NEGR1: variants seen among roughly 807,000 people sequenced by gnomAD.
NEGR1 encodes the protein neuronal growth regulator 1, also known as IgLON family member 4.
NEGR1 carries 10 observed loss-of-function variants against 40.9 expected under a neutral mutation model. The ratio of observed to expected loss-of-function variants is 0.24; its 90% CI spans 0.15 to 0.42. The LOEUF is 0.42. NEGR1 is among the 10% of genes least tolerant of loss of function. NEGR1 has a pLI of 1.00. For missense variants in NEGR1, 352 were observed against 438.9 expected, an observed-to-expected ratio of 0.80 and a Z score of 1.77; for synonymous variants, 185 against 166.8, an observed-to-expected ratio of 1.11 and a Z score of -0.84.
At chr1:72,241,407 A>G (rs2100514539) in intron 1 of NEGR1, among the ~76,000 whole-genome samples, 1 of 151,768 alleles carries the variant, frequency 6.6e-6, no homozygotes, top group Non-Finnish European at 1.5e-5. Flanking sequence ...CTCTGTGAGA[A>G]CTTTAGAAAG....
intron 6 of NEGR1, among the ~76,000 whole-genome samples, chr1:71,531,734 T>C (rs72938085): frequency 0.04 from 6,109 of 151,430 alleles, 410 homozygotes; most frequent in African/African-American, 0.14. Context: ...ACTCAATATG[T>C]TTCAGTTTGA....
intron 1 of NEGR1, among the ~76,000 whole-genome samples, chr1:72,014,871 AG>A (rs34239508): frequency 0.089 from 13,586 of 152,080 alleles, 838 homozygotes; most frequent in Admixed American, 0.18. Context: ...ATCTTAGTTG[AG>A]GATAAATATG....
intron 2 of NEGR1, among the ~76,000 whole-genome samples, chr1:71,821,852 G>A (rs1242025248): frequency 1.3e-5 from 2 of 152,126 alleles, no homozygotes; most frequent in East Asian, 3.9e-4. Flanking sequence ...CATTTGAGAT[G>A]AAGCATGAGT....
At position 71,458,605 on chromosome 1, in the gene NEGR1, G is replaced by A. The variant is rs1412237808; in HGVS notation, c.941-51035C>T. 2.0e-5 allele frequency among the ~76,000 whole-genome samples: 3 copies of A among 152,136 alleles called. No homozygotes were observed. In the East Asian group the frequency reaches 5.8e-4, roughly 29 times the overall value. The stretch of plus-strand genomic sequence containing the variant: ...ACCAGTAATCCATAAGCATCTTGGA[G>A]GTTGGGATTCCATCTCTATTAACTT... On this transcript the variant is annotated intron_variant, in intron 6 of 6. Transcript: ENST00000357731.
rs572497980 is a variant in NEGR1, at chr1:72,015,128, T to A, written c.177-79817A>T. ...TGACAGTCACACTAATGAGTTAAACTAGAAAATACAATTTTTAAAAATATG... is the reference window on the plus strand; with the variant it reads ...TGACAGTCACACTAATGAGTTAAACAAGAAAATACAATTTTTAAAAATATG... On this transcript the variant is annotated intron_variant, in intron 1 of 6. Coordinates refer to ENST00000357731, the MANE Select transcript of NEGR1 (RefSeq NM_173808.3). Among the ~76,000 whole-genome samples, 50 of 151,954 alleles carry A rather than the reference T, an allele frequency of 3.3e-4. 2 individuals are homozygous for A. Among genetic ancestry groups the A allele is most frequent in the Admixed American group, 2.0e-4 (3 of 15,250 alleles).
At chr1:71,950,570 C>T (rs1052336919) in intron 1 of NEGR1, among the ~76,000 whole-genome samples, 8 of 152,054 alleles carry the variant, frequency 5.3e-5, no homozygotes, top group South Asian at 2.1e-4. Flanking sequence ...TAATCTCTCA[C>T]GTGAAGCTGT....
intron 3 of NEGR1, among the ~76,000 whole-genome samples, chr1:71,731,515 C>T (rs918492910): frequency 6.6e-6 from 1 of 152,144 alleles, no homozygotes; most frequent in African/African-American, 2.4e-5. Context: ...AGAACTATTG[C>T]TAATAGAGAT....
intron 1 of NEGR1, among the ~76,000 whole-genome samples, chr1:72,162,794 T>C (rs973473678): frequency 6.6e-6 from 1 of 152,202 alleles, no homozygotes; most frequent in African/African-American, 2.4e-5. Flanking sequence ...TGTGATTTCA[T>C]GCAGACTGCA....
chr1:72,251,470 G>A (rs751426071), intron 1 of NEGR1, among the ~76,000 whole-genome samples: 4 of 152,066 alleles, frequency 2.6e-5, no homozygotes, highest in African/African-American at 4.8e-5. Flanking sequence ...GTATCCATAC[G>A]GGGTTAGTTT....
At chr1:72,125,813 C>A (rs1420709273) in intron 1 of NEGR1, among the ~76,000 whole-genome samples, 2 of 151,954 alleles carry the variant, frequency 1.3e-5, no homozygotes, top group Non-Finnish European at 2.9e-5. Flanking sequence ...AATTAATATT[C>A]TTTTTCCCAC....
At chr1:71,843,308 GA>G (rs1396134931) in intron 2 of NEGR1, among the ~76,000 whole-genome samples, 2 of 152,114 alleles carry the variant, frequency 1.3e-5, no homozygotes, top group African/African-American at 2.4e-5. Context: ...TATGGAAACA[GA>G]ACATTAAATT....
intron 1 of NEGR1, among the ~76,000 whole-genome samples, chr1:72,084,152 C>A (rs1195886229): frequency 6.6e-6 from 1 of 151,974 alleles, no homozygotes; most frequent in Non-Finnish European, 1.5e-5. Context: ...GAGCACATAG[C>A]CTTTACAGCA....
intron 4 of NEGR1, among the ~76,000 whole-genome samples, chr1:71,639,331 C>A (rs1057429193): frequency 6.6e-6 from 1 of 151,952 alleles, no homozygotes; most frequent in Non-Finnish European, 1.5e-5. Flanking sequence ...ATTGCAATTA[C>A]TGAGCAGTTT....
chr1:71,408,948 G>A (rs909638366), intron 6 of NEGR1: 2 of 151,908 alleles, frequency 1.3e-5, no homozygotes, highest in African/African-American at 4.8e-5. Context: ...AAATTAAAGG[G>A]GATGAAAGAT....
intron 1 of NEGR1, among the ~76,000 whole-genome samples, chr1:72,057,513 A>T (rs1312620508): frequency 6.6e-6 from 1 of 151,420 alleles, no homozygotes; most frequent in East Asian, 2.0e-4. Context: ...GAGACTTTCT[A>T]TTCTCAACTT....
chr1:71,786,497 G>C (rs138946597), intron 2 of NEGR1, among the ~76,000 whole-genome samples: 1 of 152,040 alleles, frequency 6.6e-6, no homozygotes, highest in Non-Finnish European at 1.5e-5. Flanking sequence ...CCTTCCTTAC[G>C]GGAAACATGT....
intron 1 of NEGR1, among the ~76,000 whole-genome samples, chr1:72,266,722 TAAACAC>T (rs201884243): frequency 0.017 from 1,045 of 60,992 alleles, 15 homozygotes; most frequent in African/African-American, 0.059. Flanking sequence ...TATAGACAGA[TAAACAC>T]ACACACACAC....
intron 1 of NEGR1, among the ~76,000 whole-genome samples, chr1:72,226,862 A>T (rs1654206970): frequency 6.6e-6 from 1 of 152,072 alleles, no homozygotes; most frequent in Non-Finnish European, 1.5e-5. Flanking sequence ...TGCAACTTTA[A>T]AAATGGTACT....
rs796679688 is a variant in NEGR1, at chr1:72,205,926, G to C, written c.176+76393C>G. 1.0e-3 allele frequency among the ~76,000 whole-genome samples: 151 copies of C among 148,142 alleles called. 1 individual carries two copies. Among genetic ancestry groups the C allele is most frequent in the African/African-American group, 3.6e-3 (141 of 39,404 alleles). On this transcript the variant is annotated intron_variant, in intron 1 of 6. Coordinates refer to ENST00000357731, the MANE Select transcript of NEGR1 (RefSeq NM_173808.3). ...CCACCACACTTCAGCTTGGGCGAAAGAGCAGGACTCTGTCTCAAAAAAAAA... is the reference window on the plus strand; with the variant it reads ...CCACCACACTTCAGCTTGGGCGAAACAGCAGGACTCTGTCTCAAAAAAAAA...
Sources: allele counts gnomAD v4.1 joint callset (sites outside exome capture counted in the v4.1 genomes callset), GRCh38; gene constraint gnomAD v4.1.1; transcripts MANE v1.5; gene names NCBI Gene and HGNC (gene_info 2026-07-23, HGNC 2026-07-21).